BICRA: variants seen among roughly 807,000 people sequenced by gnomAD.
BICRA encodes BRD4 interacting chromatin remodeling complex associated protein.
BICRA carries 31 observed loss-of-function variants against 96.9 expected under a neutral mutation model. The observed-to-expected ratio is 0.32, with a 90% CI of 0.24 to 0.43. The LOEUF is 0.43. BICRA is among the 20% of genes least tolerant of loss of function. The pLI is 1.00. For missense variants in BICRA, 2,283 were observed against 2,190.3 expected, an observed-to-expected ratio of 1.04 and a Z score of -0.84; for synonymous variants, 1,350 against 1,071.8, an observed-to-expected ratio of 1.26 and a Z score of -5.07.
intron 1 of BICRA, among the ~76,000 whole-genome samples, chr19:47,653,528 G>T (rs745990825): frequency 9.9e-5 from 15 of 151,922 alleles, no homozygotes; most frequent in Non-Finnish European, 1.9e-4. Flanking sequence ...CTCCCTCCCC[G>T]CAGTCCTTAG....
chr19:47,633,824 T>C (rs1385569995), intron 1 of BICRA, among the ~76,000 whole-genome samples: 1 of 152,250 alleles, frequency 6.6e-6, no homozygotes, highest in Non-Finnish European at 1.5e-5. Context: ...CCAGGCTATT[T>C]ATAACCCGTC....
chr19:47,654,548 C>G lies in BICRA; in HGVS notation c.-107-15895C>G, dbSNP rs372300879. Among the ~76,000 whole-genome samples the G allele has an allele frequency of 9.9e-5, 15 of 152,144 alleles. No individual in the cohort carries two copies. In the East Asian group the frequency reaches 1.9e-3, roughly 20 times the overall value. ...CCAGGCTGGAGTGCAGTGGCACGAT[C>G]TCAGCTCACTGCAAGCTTTGCCTCC... On this transcript the variant is annotated intron_variant, in intron 1 of 14. Transcript: ENST00000594866.
intron 1 of BICRA, among the ~76,000 whole-genome samples, chr19:47,648,025 G>A (rs1249863688): frequency 2.0e-5 from 3 of 152,010 alleles, no homozygotes; most frequent in East Asian, 1.9e-4. Context: ...CTCCTGGGTC[G>A]GTGTGCGGGA....
intron 1 of BICRA, among the ~76,000 whole-genome samples, chr19:47,609,874 GTTGAC>G (rs1412317157): frequency 3.3e-5 from 5 of 152,100 alleles, no homozygotes; most frequent in Admixed American, 6.5e-5. Flanking sequence ...AATGAAAGGA[GTTGAC>G]TTGACCCCCA....
At chr19:47,695,516 T>A (rs377646742) in intron 10 of BICRA, 42 bp downstream of exon 10, 2 of 939,094 alleles carry the variant, frequency 2.1e-6, no homozygotes, top group Non-Finnish European at 3.3e-6. Flanking sequence ...GGACCAGGAG[T>A]CTTCGGGAAC....
Position 47,698,700 on chromosome 19 carries a change from C to G in BICRA, c.3315C>G (p.Pro1105=). ...VLHPDYKTAF[P]SFEDALHRLL... Reference sequence around the variant, plus strand: ...ACCCCGACTACAAGACGGCCTTCCCCTCCTTTGAGGACGCCCTGCATCGCC... The same window carrying G: ...ACCCCGACTACAAGACGGCCTTCCCGTCCTTTGAGGACGCCCTGCATCGCC... Residue 1105 remains proline, a synonymous_variant, in exon 12 of 15, where the codon CCC becomes CCG. Coordinates refer to ENST00000594866, the MANE Select transcript of BICRA (RefSeq NM_001394372.1). The surrounding 1 kb of genome is among the most constrained non-coding windows in gnomAD (Gnocchi z 4.8). 6.2e-7 allele frequency: 1 copy of G among 1,601,090 alleles called. No homozygotes were observed. The highest frequency in any genetic ancestry group is 8.6e-7 in the Non-Finnish European group (1 of 1,168,180).
chr19:47,633,085 T>A (rs901394071), intron 1 of BICRA, among the ~76,000 whole-genome samples: 6 of 142,540 alleles, frequency 4.2e-5, no homozygotes, highest in African/African-American at 1.0e-4. Flanking sequence ...TATTTCTTTT[T>A]TTTTTTTTTT....
intron 1 of BICRA, among the ~76,000 whole-genome samples, chr19:47,630,664 G>T (rs191794718): frequency 2.6e-5 from 4 of 152,096 alleles, no homozygotes; most frequent in Non-Finnish European, 4.4e-5. Flanking sequence ...TTCTGCCATC[G>T]ATGGACACTT....
At chr19:47,615,278 G>A (rs1275095210) in intron 1 of BICRA, among the ~76,000 whole-genome samples, 2 of 152,202 alleles carry the variant, frequency 1.3e-5, no homozygotes, top group Non-Finnish European at 2.9e-5. Context: ...CACCGTGCCC[G>A]GCCCCTCATG....
intron 10 of BICRA, among the ~76,000 whole-genome samples, chr19:47,696,087 C>T (rs10423006): frequency 0.2 from 30,392 of 151,998 alleles, 3,094 homozygotes; most frequent in East Asian, 0.27. Flanking sequence ...AGGAGCCACA[C>T]TGGGAGAGAG....
At position 47,701,943 on chromosome 19, in the gene BICRA, C is replaced by T. The variant is rs1264919160; in HGVS notation, c.4211C>T (p.Thr1404Met). The change falls in exon 15 of 15, where the codon ACG (threonine) becomes ATG (methionine). Residue 1404 changes from threonine (T) to methionine (M), a missense_variant. By Grantham distance (81) the Thr-to-Met change is moderately conservative. Transcript: ENST00000594866. The surrounding 1 kb of genome is among the most constrained non-coding windows in gnomAD (Gnocchi z 5.4). Reference sequence around the variant, plus strand: ...GGGGGCCCTGGCGCGCCGGAGGGGACGCCCGCAGGCAGGGCACGGGGAGGC... The same window carrying T: ...GGGGGCCCTGGCGCGCCGGAGGGGATGCCCGCAGGCAGGGCACGGGGAGGC... The part of the protein sequence containing the change: ...NVGGPGAPEG[T>M]PAGRARGGSP... The T allele has an allele frequency of 2.8e-6, 4 of 1,437,404 alleles. No individual in the cohort carries two copies. The highest frequency in any genetic ancestry group is 3.0e-5 in the East Asian group (1 of 33,314). The allele number at this position is 1,437,404 out of a possible 1,614,324, so 89.0% of individuals were successfully genotyped here. A position where few individuals can be genotyped will look rare whatever the true frequency, so the allele number is the denominator to read the frequency against.
Position 47,701,284 on chromosome 19 carries a change from T to C in BICRA, c.3596-44T>C, listed in dbSNP as rs1034314603. 1 of 1,420,292 alleles carries C rather than the reference T, an allele frequency of 7.0e-7. No homozygotes were observed. Among genetic ancestry groups the C allele is most frequent in the African/African-American group, 1.4e-5 (1 of 71,172 alleles). The allele number at this position is 1,420,292 out of a possible 1,614,324, so 88.0% of individuals were successfully genotyped here. ...AGCTCCTCCCAGCTCGGTCGGGGGGTCCTCATCCTAACCCCGCGGGTTTTC... is the reference window on the plus strand; with the variant it reads ...AGCTCCTCCCAGCTCGGTCGGGGGGCCCTCATCCTAACCCCGCGGGTTTTC... On this transcript the variant is annotated intron_variant, in intron 14 of 14. Transcript: ENST00000594866. The surrounding 1 kb of genome is among the most constrained non-coding windows in gnomAD (Gnocchi z 5.4).
chr19:47,609,782 C>T (rs1971869980), intron 1 of BICRA, among the ~76,000 whole-genome samples: 1 of 152,038 alleles, frequency 6.6e-6, no homozygotes, highest in African/African-American at 2.4e-5. Flanking sequence ...GTGTCGCGGA[C>T]AGTGGGGGGC....
chr19:47,672,331 G>C (rs1599840741), intron 2 of BICRA, among the ~76,000 whole-genome samples: 1 of 147,814 alleles, frequency 6.8e-6, no homozygotes, highest in Non-Finnish European at 1.5e-5. Context: ...TGGAAGGATG[G>C]AGGATGGGTA....
At position 47,675,818 on chromosome 19, in the gene BICRA, T is replaced by C. The variant is rs748460400; in HGVS notation, c.85-33T>C. 6.3e-7 allele frequency: 1 copy of C among 1,585,816 alleles called. No individual in the cohort carries two copies. On this transcript the variant is annotated intron_variant, in intron 4 of 14. Transcript: ENST00000594866. This position sits in a 1 kb window ranked among gnomAD's most constrained non-coding sequence, Gnocchi z 4.7. The stretch of plus-strand genomic sequence containing the variant: ...CAGAGCATGGGCCTGCCCTGCTGAC[T>C]TTTGACCTTGGATGGGGCGGGTCTT...
intron 1 of BICRA, among the ~76,000 whole-genome samples, chr19:47,664,113 C>G (rs1169609086): frequency 2.0e-5 from 3 of 152,176 alleles, no homozygotes; most frequent in Non-Finnish European, 4.4e-5. Flanking sequence ...ATAGACTTTG[C>G]CACATCATTT....
chr19:47,671,652 T>C (rs1195745350), intron 2 of BICRA, among the ~76,000 whole-genome samples: 1 of 148,986 alleles, frequency 6.7e-6, no homozygotes, highest in Non-Finnish European at 1.5e-5. Context: ...GGTAGGTAGA[T>C]GGATGGAAGG....
At chr19:47,614,249 G>T (rs1212427650) in intron 1 of BICRA, among the ~76,000 whole-genome samples, 1 of 152,126 alleles carries the variant, frequency 6.6e-6, no homozygotes, top group African/African-American at 2.4e-5. Context: ...TGGTCCCCTA[G>T]CTCTCTTCCC....
At chr19:47,626,698 A>G (rs1212561625) in intron 1 of BICRA, among the ~76,000 whole-genome samples, 1 of 136,260 alleles carries the variant, frequency 7.3e-6, no homozygotes, top group African/African-American at 2.8e-5. Context: ...ATGAGCTACC[A>G]CGTCCAGCTG....
Sources: gnomAD v4.1 joint callset for allele counts (sites outside exome capture counted in the v4.1 genomes callset) on GRCh38, gnomAD v4.1.1 for gene constraint, Gnocchi (gnomAD v3.1) non-coding constraint, MANE v1.5 for transcripts, NCBI Gene and HGNC (gene_info 2026-07-23, HGNC 2026-07-21) for gene names.